The following CDKN2B-AS1 variants were observed in gnomAD, a reference collection of about 807,000 sequenced individuals.
The protein encoded by CDKN2B-AS1 is CDKN2B and CDKN2A antisense cis and trans regulatory RNA 1.
At chr9:22,099,237 G>A (rs371071497) in intron 4 of CDKN2B-AS1, among the ~76,000 whole-genome samples, 4 of 152,172 alleles carry the variant, frequency 2.6e-5, no homozygotes, top group East Asian at 1.9e-4. Context: ...GGCACGTCTA[G>A]AGCATAGGGT....
intron 3 of CDKN2B-AS1, among the ~76,000 whole-genome samples, chr9:22,055,817 A>G (rs947467175): frequency 2.0e-5 from 3 of 152,144 alleles, no homozygotes; most frequent in Non-Finnish European, 4.4e-5. Flanking sequence ...GACCTACTGC[A>G]TACCAGACAC....
Position 22,012,908 on chromosome 9 carries a change from T to C in CDKN2B-AS1, n.29+17747T>C, listed in dbSNP as rs573413198. 1.5e-4 allele frequency among the ~76,000 whole-genome samples: 23 copies of C among 152,328 alleles called. No homozygotes were observed. The East Asian group carries it at 4.2e-3, about 28-fold the overall frequency. On this transcript the variant is annotated intron_variant and non_coding_transcript_variant, in intron 1 of 4. Coordinates refer to ENST00000650946, the Ensembl canonical transcript of CDKN2B-AS1. ...CATGTATTTTTCAAGATTAATTAAA[T>C]GGTGGACTTGTTCATCATTTTAGTA... is the stretch of plus-strand genomic sequence containing the variant.
chr9:22,013,626 A>C (rs1027263778), intron 1 of CDKN2B-AS1, among the ~76,000 whole-genome samples: 6 of 152,084 alleles, frequency 3.9e-5, no homozygotes, highest in East Asian at 3.9e-4. Flanking sequence ...TAATATTTTT[A>C]CTTTTTTGAA....
At chr9:22,002,316 A>G (rs1820954001) in intron 1 of CDKN2B-AS1, among the ~76,000 whole-genome samples, 1 of 152,046 alleles carries the variant, frequency 6.6e-6, no homozygotes, top group African/African-American at 2.4e-5. Context: ...AGTTTTGCAT[A>G]TCATTAGTTC....
At chr9:22,099,941 T>A (rs7856476) in intron 4 of CDKN2B-AS1, among the ~76,000 whole-genome samples, 13,995 of 152,050 alleles carry the variant, frequency 0.092, 2,154 homozygotes, top group African/African-American at 0.32. Flanking sequence ...AGAACAGCGG[T>A]AGGAAAATTT....
At chr9:22,010,973 G>T (rs1175259940) in intron 1 of CDKN2B-AS1, among the ~76,000 whole-genome samples, 1 of 152,226 alleles carries the variant, frequency 6.6e-6, no homozygotes, top group Non-Finnish European at 1.5e-5. Flanking sequence ...GATAGGGAAA[G>T]AACCAATGAC....
intron 1 of CDKN2B-AS1, chr9:22,012,443 C>T (rs1821551432): frequency 1.4e-6 from 1 of 721,544 alleles, no homozygotes; most frequent in Non-Finnish European, 2.6e-6. Flanking sequence ...GATGATCTGC[C>T]ATAAGCGCTA....
intron 4 of CDKN2B-AS1, chr9:22,096,463 T>C (rs1488559281): frequency 6.6e-6 from 1 of 152,108 alleles, no homozygotes; most frequent in East Asian, 1.9e-4. Context: ...CCTAACGCAC[T>C]ATGGTATGGA....
At chr9:22,109,709 C>CT (rs796237815) in intron 4 of CDKN2B-AS1, among the ~76,000 whole-genome samples, 26 of 152,160 alleles carry the variant, frequency 1.7e-4, no homozygotes, top group East Asian at 9.6e-4. Context: ...CTGTGTCTGT[C>CT]TTTTTTCCAG....
At chr9:22,021,534 A>G (rs1382593681) in intron 1 of CDKN2B-AS1, among the ~76,000 whole-genome samples, 1 of 152,206 alleles carries the variant, frequency 6.6e-6, no homozygotes, top group Non-Finnish European at 1.5e-5. Context: ...CATTTTCACA[A>G]TACTGATTCT....
rs561585531 is a variant in CDKN2B-AS1 at position 22,126,434 on chromosome 9, C to G, written n.439-669C>G. 2.0e-5 allele frequency among the ~76,000 whole-genome samples: 3 copies of G among 151,950 alleles called. No individual in the cohort carries two copies. In the East Asian group the frequency reaches 5.8e-4, roughly 29 times the overall value. ...CTTTTCAAAATAATAAAAACAATAACAACGATTAAAATATACAAGGGGAAA... is the reference window on the plus strand; with the variant it reads ...CTTTTCAAAATAATAAAAACAATAAGAACGATTAAAATATACAAGGGGAAA... On this transcript the variant is annotated intron_variant and non_coding_transcript_variant, in intron 4 of 4. Coordinates refer to ENST00000650946, the Ensembl canonical transcript of CDKN2B-AS1.
intron 4 of CDKN2B-AS1, among the ~76,000 whole-genome samples, chr9:22,090,300 G>A (rs1261508963): frequency 2.0e-5 from 3 of 152,110 alleles, no homozygotes; most frequent in Non-Finnish European, 4.4e-5. Flanking sequence ...GTGTGCATGT[G>A]TCTTTATAGC....
chr9:22,109,758 C>G (rs759511539), intron 4 of CDKN2B-AS1, among the ~76,000 whole-genome samples: 7 of 152,086 alleles, frequency 4.6e-5, no homozygotes, highest in Non-Finnish European at 1.0e-4. Context: ...AAGTATTACC[C>G]AAATAGTGAT....
intron 4 of CDKN2B-AS1, among the ~76,000 whole-genome samples, chr9:22,088,894 C>T (rs2131338950): frequency 6.6e-6 from 1 of 152,288 alleles, no homozygotes; most frequent in Middle Eastern, 3.4e-3. Flanking sequence ...CTAAAATAAA[C>T]AGAAGTGACT....
chr9:22,012,889 T>G (rs1821573667), intron 1 of CDKN2B-AS1, among the ~76,000 whole-genome samples: 1 of 152,338 alleles, frequency 6.6e-6, no homozygotes, highest in Middle Eastern at 3.4e-3. Context: ...TTCCCATGTA[T>G]TTTTCAAGAT....
Position 22,001,125 on chromosome 9 carries a change from G to A in CDKN2B-AS1, n.29+5964G>A, listed in dbSNP as rs568525555. On this transcript the variant is annotated intron_variant and non_coding_transcript_variant, in intron 1 of 4. Transcript: ENST00000650946. This position sits in a 1 kb window ranked among gnomAD's most constrained non-coding sequence, Gnocchi z 4.2. ...CAGAGGTCACATAAGACAGGGTTCA[G>A]AGGAAGTAGCCCCAACAACATCATA... Among the ~76,000 whole-genome samples, 1 of 152,292 alleles carries A rather than the reference G, an allele frequency of 6.6e-6. No individual in the cohort carries two copies. Among genetic ancestry groups the A allele is most frequent in the South Asian group, 2.1e-4 (1 of 4,822 alleles).
chr9:22,042,945 A>G (rs927640052), intron 1 of CDKN2B-AS1, among the ~76,000 whole-genome samples: 12 of 151,870 alleles, frequency 7.9e-5, no homozygotes, highest in African/African-American at 2.7e-4. Context: ...TGGAAAATCT[A>G]TTCACAATAG....
At chr9:22,024,578 A>G (rs1305526561) in intron 1 of CDKN2B-AS1, among the ~76,000 whole-genome samples, 1 of 152,186 alleles carries the variant, frequency 6.6e-6, no homozygotes, top group Non-Finnish European at 1.5e-5. Flanking sequence ...TTCTCCATGC[A>G]GCATTACCAC....
intron 1 of CDKN2B-AS1, among the ~76,000 whole-genome samples, chr9:22,015,600 A>C (rs1333553067): frequency 2.0e-5 from 3 of 151,808 alleles, no homozygotes; most frequent in Admixed American, 6.6e-5. Flanking sequence ...CATTAACATG[A>C]ATTTATTCCC....
Sources: gnomAD v4.1 joint callset for allele counts (sites outside exome capture counted in the v4.1 genomes callset) on GRCh38, gnomAD v4.1.1 for gene constraint, Gnocchi (gnomAD v3.1) non-coding constraint, MANE v1.5 for transcripts, NCBI Gene and HGNC (gene_info 2026-07-23, HGNC 2026-07-21) for gene names.